NRG1: variants seen among roughly 807,000 people sequenced by gnomAD.
NRG1 encodes the protein neuregulin 1.
In NRG1, 18 loss-of-function variants were observed where a neutral mutation model predicts 63.8. The observed-to-expected ratio is 0.28, with a 90% CI of 0.19 to 0.42. The LOEUF (loss-of-function observed/expected upper bound fraction) is 0.42, where lower values mean the gene tolerates loss of function less well. Ranked by LOEUF, NRG1 falls within the 10% of genes least tolerant of loss-of-function variation. The probability of loss-of-function intolerance (pLI) is 1.00; values close to 1 mark genes in which losing one functional copy is unlikely to be tolerated. For synonymous variants in NRG1, 302 were observed against 301.3 expected (o/e 1.00, Z -0.02); for missense variants, 762 against 814.7 (o/e 0.94, Z 0.79).
At chr8:31,950,603 G>T (rs1159199) in intron 1 of NRG1, among the ~76,000 whole-genome samples, 7 of 152,242 alleles carry the variant, frequency 4.6e-5, no homozygotes, top group South Asian at 2.1e-4. Context: ...TCAACTAGTC[G>T]GCTTCTCTAA....
chr8:32,008,806 C>T (rs1161963326), intron 1 of NRG1, among the ~76,000 whole-genome samples: 1 of 152,036 alleles, frequency 6.6e-6, no homozygotes, highest in Non-Finnish European at 1.5e-5. Context: ...ACTCAAAGCT[C>T]CAGAAAAATC....
At chr8:32,609,552 C>CTTCCT (rs1427876662) in intron 3 of NRG1, among the ~76,000 whole-genome samples, 6 of 83,226 alleles carry the variant, frequency 7.2e-5, no homozygotes, top group South Asian at 6.1e-4. Context: ...CCTTCCCTCC[C>CTTCCT]TCCTTCCTTC....
At chr8:31,977,682 T>C (rs1010604071) in intron 1 of NRG1, among the ~76,000 whole-genome samples, 1 of 152,098 alleles carries the variant, frequency 6.6e-6, no homozygotes, top group African/African-American at 2.4e-5. Context: ...AAATGAATGG[T>C]AATAACAGCA....
At chr8:31,967,585 G>A (rs1236802421) in intron 1 of NRG1, among the ~76,000 whole-genome samples, 2 of 152,198 alleles carry the variant, frequency 1.3e-5, no homozygotes, top group Admixed American at 6.5e-5. Flanking sequence ...ATTTGTTAAG[G>A]CTTAGCATGC....
At chr8:31,704,095 A>G (rs1585784525) in intron 1 of NRG1, among the ~76,000 whole-genome samples, 1 of 152,186 alleles carries the variant, frequency 6.6e-6, no homozygotes, top group East Asian at 1.9e-4. Flanking sequence ...CACATATCAG[A>G]TTTATGCAAA....
intron 1 of NRG1, among the ~76,000 whole-genome samples, chr8:31,870,564 T>C (rs2129611493): frequency 6.6e-6 from 1 of 152,218 alleles, no homozygotes; most frequent in Admixed American, 6.5e-5. Context: ...ATTAATATTT[T>C]TTGATTATAG....
At chr8:31,812,345 G>C (rs912030931) in intron 1 of NRG1, among the ~76,000 whole-genome samples, 5 of 152,142 alleles carry the variant, frequency 3.3e-5, no homozygotes, top group Non-Finnish European at 7.3e-5. Flanking sequence ...TATAGGATGG[G>C]CCTGAGAATT....
intron 1 of NRG1, among the ~76,000 whole-genome samples, chr8:32,089,603 A>G (rs187970780): frequency 3.9e-5 from 6 of 152,306 alleles, no homozygotes; most frequent in Admixed American, 2.6e-4. Context: ...CAACATAAAG[A>G]TAGAAAAATC....
intron 1 of NRG1, among the ~76,000 whole-genome samples, chr8:32,294,035 TGACG>T (rs1374235765): frequency 6.6e-6 from 1 of 152,090 alleles, no homozygotes. Flanking sequence ...GACTATTTCT[TGACG>T]GCCATCCATG....
intron 1 of NRG1, among the ~76,000 whole-genome samples, chr8:31,728,928 A>C (rs1360655644): frequency 6.6e-6 from 1 of 152,198 alleles, no homozygotes; most frequent in Non-Finnish European, 1.5e-5. Flanking sequence ...AGAGAACAGG[A>C]AAGATGATGT....
intron 1 of NRG1, among the ~76,000 whole-genome samples, chr8:32,079,917 T>C (rs1359863435): frequency 6.6e-6 from 1 of 152,194 alleles, no homozygotes; most frequent in East Asian, 1.9e-4. Flanking sequence ...AGTTGTATAT[T>C]ACATGCATAC....
At chr8:32,636,846 T>C (rs1265022185) in intron 5 of NRG1, among the ~76,000 whole-genome samples, 10 of 152,092 alleles carry the variant, frequency 6.6e-5, no homozygotes, top group Non-Finnish European at 1.5e-4. Context: ...TTGAAATTCA[T>C]CTTAAAAATC....
At chr8:32,709,784 A>G (rs949161140) in intron 5 of NRG1, among the ~76,000 whole-genome samples, 9 of 152,168 alleles carry the variant, frequency 5.9e-5, no homozygotes, top group African/African-American at 2.2e-4. Context: ...CTGTATTTCA[A>G]ATTTTAAATG....
intron 1 of NRG1, among the ~76,000 whole-genome samples, chr8:31,904,486 G>A (rs746692995): frequency 6.6e-6 from 1 of 152,292 alleles, no homozygotes; most frequent in South Asian, 2.1e-4. Context: ...CAGTTAGTCA[G>A]TTTCTCAAAG....
intron 5 of NRG1, among the ~76,000 whole-genome samples, chr8:32,686,697 A>C (rs1240837582): frequency 6.6e-6 from 1 of 152,222 alleles, no homozygotes; most frequent in Non-Finnish European, 1.5e-5. Flanking sequence ...GGCAAATGAC[A>C]AGGCTGTCTA....
chr8:32,125,284 C>T (rs1833934411), intron 1 of NRG1, among the ~76,000 whole-genome samples: 1 of 151,912 alleles, frequency 6.6e-6, no homozygotes, highest in South Asian at 2.1e-4. Flanking sequence ...GAAAAATTTA[C>T]AGTTTTCATC....
chr8:32,714,094 G>A (rs1309354696), intron 5 of NRG1, among the ~76,000 whole-genome samples: 1 of 152,040 alleles, frequency 6.6e-6, no homozygotes, highest in East Asian at 1.9e-4. Context: ...CAAAGTGCTG[G>A]GATTACAAGT....
At chr8:32,256,713 G>A (rs1234148547) in intron 1 of NRG1, 3 of 152,540 alleles carry the variant, frequency 2.0e-5, no homozygotes, top group East Asian at 3.9e-4. Flanking sequence ...TGTGTGAGGT[G>A]TCTGTCAACC....
intron 5 of NRG1, among the ~76,000 whole-genome samples, chr8:32,633,533 A>G (rs891984199): frequency 6.6e-6 from 1 of 152,338 alleles, no homozygotes; most frequent in African/African-American, 2.4e-5. Context: ...TCAGATACTT[A>G]GACATGCATA....
Sources: allele counts gnomAD v4.1 joint callset (sites outside exome capture counted in the v4.1 genomes callset), GRCh38; gene constraint gnomAD v4.1.1; transcripts MANE v1.5; gene names NCBI Gene and HGNC (gene_info 2026-07-23, HGNC 2026-07-21).